Variants in DGLUCY observed in about 807,000 individuals in gnomAD.
The protein encoded by DGLUCY is D-glutamate cyclase, mitochondrial.
In DGLUCY, 58 loss-of-function variants were observed where a neutral mutation model predicts 58.5. The observed-to-expected ratio is 0.99, with a 90% CI of 0.80 to 1.23. The LOEUF is 1.23. DGLUCY is among the 50% of genes most tolerant of loss of function. DGLUCY has a pLI of 0.00. For synonymous variants in DGLUCY, 325 were observed against 314.1 expected (o/e 1.03, Z -0.37); for missense variants, 779 against 784.7 (o/e 0.99, Z 0.09).
chr14:91,137,150 T>C (rs942450224), intron 1 of DGLUCY, among the ~76,000 whole-genome samples: 5 of 151,410 alleles, frequency 3.3e-5, no homozygotes, highest in South Asian at 2.1e-4. Context: ...TTTTTTTTTT[T>C]CCCGTAGAGA....
rs544384620 is a variant in DGLUCY, at chr14:91,170,965, G to A, written c.456+764G>A. 2.0e-5 allele frequency among the ~76,000 whole-genome samples: 3 copies of A among 152,306 alleles called. No homozygotes were observed. The South Asian group carries it at 6.2e-4, about 32-fold the overall frequency. On this transcript the variant is annotated intron_variant, in intron 5 of 13. Transcript: ENST00000256324. ...TGCCAGAGAGGCCCCAGCTGCCTCT[G>A]ATCAGCAACAAAGCTGCCCATAGTC...
chr14:91,089,155 C>T (rs1285188293), intron 1 of DGLUCY, among the ~76,000 whole-genome samples: 3 of 152,212 alleles, frequency 2.0e-5, no homozygotes, highest in Non-Finnish European at 1.5e-5. Flanking sequence ...AAACATCTTG[C>T]CCTCCTGCCC....
At chr14:91,142,701 G>A (rs902151495) in intron 1 of DGLUCY, among the ~76,000 whole-genome samples, 2 of 152,076 alleles carry the variant, frequency 1.3e-5, no homozygotes, top group Non-Finnish European at 1.5e-5. Context: ...GCTTATGCCT[G>A]TAATCCCAGC....
chr14:91,115,065 C>T (rs961467548), intron 1 of DGLUCY: 1 of 152,306 alleles, frequency 6.6e-6, no homozygotes, highest in Non-Finnish European at 1.5e-5. Context: ...TACGGGAGAT[C>T]GAGCTAGCTA....
chr14:91,189,849 CAGTA>C (rs2049760921), intron 9 of DGLUCY: 1 of 153,084 alleles, frequency 6.5e-6, no homozygotes, highest in Non-Finnish European at 1.5e-5. Context: ...GCTTTAAACT[CAGTA>C]AGGCATACCC....
At chr14:91,164,422 A>G (rs1213979979) in intron 3 of DGLUCY, among the ~76,000 whole-genome samples, 1 of 152,144 alleles carries the variant, frequency 6.6e-6, no homozygotes, top group Non-Finnish European at 1.5e-5. Flanking sequence ...TGCACATTCA[A>G]GGGTTAGATA....
chr14:91,221,960 G>A (rs1285232653), intron 13 of DGLUCY, among the ~76,000 whole-genome samples: 1 of 151,876 alleles, frequency 6.6e-6, no homozygotes, highest in Non-Finnish European at 1.5e-5. Context: ...TTAATAGCAA[G>A]CACCCATACA....
At chr14:91,198,343 CT>C (rs11341539) in intron 10 of DGLUCY, among the ~76,000 whole-genome samples, 25,730 of 144,800 alleles carry the variant, frequency 0.18, 3,309 homozygotes, top group African/African-American at 0.37. Context: ...TGTGCCCAGC[CT>C]TTTTTTTTTT....
upstream of DGLUCY, among the ~76,000 whole-genome samples, chr14:91,104,157 G>C (rs2044546173): frequency 6.9e-6 from 1 of 145,896 alleles, no homozygotes; most frequent in African/African-American, 2.5e-5. Context: ...CCGCCTCCCG[G>C]GTTCACACCA....
At chr14:91,060,699 A>C (rs2043641489) in exon 1 of DGLUCY, 1 of 355,112 alleles carries the variant, frequency 2.8e-6, no homozygotes, top group Admixed American at 4.8e-5. Context: ...GCCCACAGCC[A>C]GCAAGGTAAG....
chr14:91,223,699 C>G, intron 13 of DGLUCY: 2 of 1,288,056 alleles, frequency 1.6e-6, no homozygotes, highest in South Asian at 2.5e-5. Flanking sequence ...GGAGAAAGCT[C>G]TAGGCTAAAG....
At chr14:91,110,300 C>T (rs1353014504), upstream of DGLUCY, among the ~76,000 whole-genome samples, 1 of 152,178 alleles carries the variant, frequency 6.6e-6, no homozygotes, top group Non-Finnish European at 1.5e-5. Flanking sequence ...TTCTGAGGCT[C>T]TGCATCTCAT....
chr14:91,191,195 A>G (rs1310156369), intron 9 of DGLUCY, among the ~76,000 whole-genome samples: 5 of 152,158 alleles, frequency 3.3e-5, no homozygotes, highest in Admixed American at 2.6e-4. Flanking sequence ...CTTGAGAAGT[A>G]GATTAAGCCA....
chr14:91,176,102 C>T (rs764043338), intron 7 of DGLUCY, 46 bp downstream of exon 7: 2 of 1,595,276 alleles, frequency 1.3e-6, no homozygotes, highest in Non-Finnish European at 1.7e-6. Context: ...TAGGATGGAG[C>T]CCAGTGGGGT....
chr14:91,095,899 T>C (rs2044387774), intron 1 of DGLUCY, among the ~76,000 whole-genome samples: 1 of 151,958 alleles, frequency 6.6e-6, no homozygotes, highest in South Asian at 2.1e-4. Flanking sequence ...TCCCACCGCA[T>C]GCAGAGTCCA....
intron 13 of DGLUCY, 24 bp from the exon 14 acceptor site, chr14:91,224,656 CTTCT>C: frequency 6.4e-7 from 1 of 1,566,740 alleles, no homozygotes; most frequent in Non-Finnish European, 8.7e-7. Context: ...CCCTCCACTC[CTTCT>C]ATTTCTGCCC....
intron 1 of DGLUCY, among the ~76,000 whole-genome samples, chr14:91,069,421 G>A (rs1263922506): frequency 6.6e-6 from 1 of 151,774 alleles, no homozygotes; most frequent in Non-Finnish European, 1.5e-5. Flanking sequence ...GATTACAGGC[G>A]CCCACCACCA....
At chr14:91,210,264 C>A (rs570103731) in intron 12 of DGLUCY, among the ~76,000 whole-genome samples, 50 of 152,216 alleles carry the variant, frequency 3.3e-4, no homozygotes, top group African/African-American at 1.1e-3. Flanking sequence ...GATAAAACTG[C>A]AAGGAAAAAT....
At chr14:91,105,653 T>C (rs558219875), upstream of DGLUCY, among the ~76,000 whole-genome samples, 4 of 152,330 alleles carry the variant, frequency 2.6e-5, no homozygotes, top group East Asian at 7.7e-4. Context: ...GCTATGAAAC[T>C]CATTCTTCAG....
Sources: allele counts gnomAD v4.1 joint callset (sites outside exome capture counted in the v4.1 genomes callset), GRCh38; gene constraint gnomAD v4.1.1; transcripts MANE v1.5; gene names NCBI Gene and HGNC (gene_info 2026-07-23, HGNC 2026-07-21).